The following SLC35F4 variants were observed in gnomAD, a reference collection of about 807,000 sequenced individuals.
SLC35F4 encodes solute carrier family 35 member F4.
In SLC35F4, 24 loss-of-function variants were observed where a neutral mutation model predicts 44.2. The ratio of observed to expected loss-of-function variants is 0.54; its 90% confidence interval spans 0.39 to 0.76. The LOEUF (loss-of-function observed/expected upper bound fraction) is 0.76, where lower values mean the gene tolerates loss of function less well. Ranked by LOEUF, SLC35F4 falls within the 30% of genes least tolerant of loss-of-function variation. The pLI is 0.00. For missense variants in SLC35F4, 562 were observed against 586.1 expected (o/e 0.96, Z 0.42); for synonymous variants, 238 against 223.6 (o/e 1.06, Z -0.57).
At chr14:57,628,243 A>ATT (rs34583525) in intron 1 of SLC35F4, among the ~76,000 whole-genome samples, 2,624 of 128,968 alleles carry the variant, frequency 0.02, 93 homozygotes, top group African/African-American at 0.066. Context: ...ATATGACTGA[A>ATT]TTTTTTTTTT....
At position 57,589,400 on chromosome 14, in the gene SLC35F4, T is replaced by C. The variant is rs1255100369; in HGVS notation, c.403A>G (p.Ile135Val). The C allele has an allele frequency of 6.2e-7, 1 of 1,613,994 alleles. No homozygotes were observed. The highest frequency in any genetic ancestry group is 2.2e-5 in the East Asian group (1 of 44,876). Residue 135 changes from isoleucine to valine, a missense_variant, in exon 3 of 8, where the codon ATC becomes GTC. By Grantham distance (29) the Ile-to-Val change is conservative (BLOSUM62 3). Coordinates refer to ENST00000556826, the MANE Select transcript of SLC35F4 (RefSeq NM_001306087.2). ...ACCCAAGATGATGATACTGACAAGA[T>C]GATCAAGAGTCCCCAGATGCCCTTC... Reference protein sequence around the residue: ...VLKGIWGLLIILSVSSSWVGT... With the variant: ...VLKGIWGLLIVLSVSSSWVGT...
chr14:57,883,906 A>T, intron 1 of SLC35F4, among the ~76,000 whole-genome samples: 1 of 152,178 alleles, frequency 6.6e-6, no homozygotes. Flanking sequence ...AACGTTTTGT[A>T]CAGTATTTGA....
chr14:57,777,617 A>T (rs1312592490), intron 1 of SLC35F4, among the ~76,000 whole-genome samples: 2 of 151,682 alleles, frequency 1.3e-5, no homozygotes, highest in Non-Finnish European at 2.9e-5. Flanking sequence ...TCACAAACAG[A>T]GAGGCCTGTC....
intron 1 of SLC35F4, among the ~76,000 whole-genome samples, chr14:57,809,779 T>C (rs183747696): frequency 1.2e-4 from 19 of 152,332 alleles, no homozygotes; most frequent in African/African-American, 4.3e-4. Context: ...TTCCTTAAAA[T>C]GTGCTTCCAG....
Position 57,865,987 on chromosome 14 carries a change from A to ACAG in SLC35F4, c.-165_-163dup, listed in dbSNP as rs980563519. 51 of 391,802 alleles carry ACAG rather than the reference A, an allele frequency of 1.3e-4. No homozygotes were observed. The highest frequency in any genetic ancestry group is 2.6e-4 in the African/African-American group (12 of 45,296). 24.3% of individuals were successfully genotyped at this position (391,802 alleles called of 1,614,324 possible). On this transcript the variant is annotated 5_prime_UTR_variant, in exon 1 of 8. Transcript: ENST00000556826. Reference sequence around the variant, plus strand: ...CCCGGCGCAGCACCGGCTCCGCATCACAGCGGCGGCGGCGGCGGCGGCGGC... The same window carrying ACAG: ...CCCGGCGCAGCACCGGCTCCGCATCACAGCAGCGGCGGCGGCGGCGGCGGCGGC...
intron 1 of SLC35F4, among the ~76,000 whole-genome samples, chr14:57,800,564 T>G (rs1031390780): frequency 6.6e-6 from 1 of 151,996 alleles, no homozygotes; most frequent in African/African-American, 2.4e-5. Context: ...AATAACAAAC[T>G]TCGCTGAGCT....
chr14:57,938,943 C>G (rs1267887282), intron 1 of SLC35F4, among the ~76,000 whole-genome samples: 1 of 152,132 alleles, frequency 6.6e-6, no homozygotes, highest in African/African-American at 2.4e-5. Context: ...GGTTCAGCAG[C>G]TAGACCCTAA....
chr14:57,948,348 C>A (rs1309234777), intron 1 of SLC35F4, among the ~76,000 whole-genome samples: 1 of 151,916 alleles, frequency 6.6e-6, no homozygotes, highest in East Asian at 1.9e-4. Context: ...CTTGAATAAT[C>A]TTTTGTATTT....
At chr14:57,669,153 C>A (rs950982761) in intron 1 of SLC35F4, among the ~76,000 whole-genome samples, 40 of 152,014 alleles carry the variant, frequency 2.6e-4, no homozygotes, top group Non-Finnish European at 3.1e-4. Context: ...GTGTATAAGA[C>A]TGCTTGTGAT....
rs1219879743 is a variant in SLC35F4, at chr14:57,594,028, G to A, written c.200C>T (p.Thr67Ile). ...ISRQLSPLSV[T>I]EDSSAPILEL... The stretch of plus-strand genomic sequence containing the variant: ...AAGAATAGGAGCAGAGGAATCTTCG[G>A]TGACAGACAGTGGGGACAGTTGTCT... The change falls in exon 2 of 8, where the codon ACC becomes ATC. Residue 67 changes from threonine (T) to isoleucine (I), a missense_variant. Coordinates refer to ENST00000556826, the MANE Select transcript of SLC35F4 (RefSeq NM_001306087.2). 1.9e-6 allele frequency: 3 copies of A among 1,613,952 alleles called. No homozygotes were observed. Among genetic ancestry groups the A allele is most frequent in the Admixed American group, 1.7e-5 (1 of 59,992 alleles).
At chr14:57,626,526 C>T (rs2072482670) in intron 1 of SLC35F4, among the ~76,000 whole-genome samples, 1 of 151,982 alleles carries the variant, frequency 6.6e-6, no homozygotes, top group South Asian at 2.1e-4. Context: ...TACTGTAAAA[C>T]TATATCAAAA....
chr14:57,901,189 G>C (rs1888993303), intron 1 of SLC35F4, among the ~76,000 whole-genome samples: 1 of 152,148 alleles, frequency 6.6e-6, no homozygotes, highest in Admixed American at 6.5e-5. Flanking sequence ...CAAAGGATTA[G>C]AAATCATTCT....
At chr14:57,885,867 A>G (rs1390142496) in intron 1 of SLC35F4, among the ~76,000 whole-genome samples, 1 of 152,210 alleles carries the variant, frequency 6.6e-6, no homozygotes, top group Non-Finnish European at 1.5e-5. Flanking sequence ...AGGTCCCTCT[A>G]CAAATCTTCC....
In SLC35F4 at chr14:57,775,783, G is replaced by A. The variant is rs139829072; in HGVS notation, c.103+89940C>T. The stretch of plus-strand genomic sequence containing the variant: ...ATGATTGCACTCGTTCTTCAGCAAG[G>A]GTTCTTAACTGGGTTGAGATGGCTG... On this transcript the variant is annotated intron_variant, in intron 1 of 7. Coordinates refer to ENST00000556826, the MANE Select transcript of SLC35F4 (RefSeq NM_001306087.2). Among the ~76,000 whole-genome samples the A allele has an allele frequency of 1.8e-3, 274 of 152,274 alleles. 1 individual carries two copies. Among genetic ancestry groups the A allele is most frequent in the African/African-American group, 6.2e-3 (256 of 41,548 alleles).
chr14:57,894,901 G>A (rs1888841315), intron 1 of SLC35F4, among the ~76,000 whole-genome samples: 1 of 152,104 alleles, frequency 6.6e-6, no homozygotes, highest in South Asian at 2.1e-4. Context: ...AAAGAAAAGT[G>A]TCTTATTATA....
intron 5 of SLC35F4, among the ~76,000 whole-genome samples, chr14:57,570,844 A>T (rs569616241): frequency 2.0e-5 from 3 of 150,796 alleles, no homozygotes; most frequent in Non-Finnish European, 3.0e-5. Flanking sequence ...AACTGAACTA[A>T]TTTTTTTTTT....
At position 57,700,110 on chromosome 14, in the gene SLC35F4, T is replaced by C. The variant is rs112774517; in HGVS notation, c.104-105986A>G. ...CTAAGAAATGCATTGTTAGGTGATT[T>C]TGTCATTGTGTCAACATCGTAGAGT... On this transcript the variant is annotated intron_variant, in intron 1 of 7. Transcript: ENST00000556826. Among the ~76,000 whole-genome samples the C allele has an allele frequency of 3.3e-5, 5 of 152,306 alleles. 1 individual carries two copies. The highest frequency in any genetic ancestry group is 2.1e-4 in the South Asian group (1 of 4,826).
At chr14:57,867,432 G>A (rs996074107), upstream of SLC35F4, among the ~76,000 whole-genome samples, 2 of 152,168 alleles carry the variant, frequency 1.3e-5, no homozygotes, top group African/African-American at 4.8e-5. Context: ...GTGGCTGGAA[G>A]GAGAGTTCAT....
At chr14:57,713,907 C>T (rs1430777059) in intron 1 of SLC35F4, among the ~76,000 whole-genome samples, 1 of 152,146 alleles carries the variant, frequency 6.6e-6, no homozygotes, top group Non-Finnish European at 1.5e-5. Context: ...AGCCCTACCT[C>T]CCCCACCCCC....
Sources: gnomAD v4.1 joint callset for allele counts (sites outside exome capture counted in the v4.1 genomes callset) on GRCh38, gnomAD v4.1.1 for gene constraint, MANE v1.5 for transcripts, NCBI Gene and HGNC (gene_info 2026-07-23, HGNC 2026-07-21) for gene names.